PREX2: variants seen among roughly 807,000 people sequenced by gnomAD.
PREX2 encodes phosphatidylinositol-3,4,5-trisphosphate dependent Rac exchange factor 2, also known as phosphatidylinositol 3,4,5-trisphosphate-dependent Rac exchanger 2 protein.
Under a neutral mutation model 203.2 loss-of-function variants are expected in PREX2, and 107 were observed. The observed-to-expected ratio is 0.53, with a 90% confidence interval of 0.45 to 0.62. PREX2 has a LOEUF of 0.62. PREX2 is among the 20% of genes least tolerant of loss of function. The probability of loss-of-function intolerance (pLI) is 0.00; values close to 1 mark genes in which losing one functional copy is unlikely to be tolerated. For missense variants in PREX2, 1,777 were observed against 1,955.9 expected, an observed-to-expected ratio of 0.91 and a Z score of 1.72; for synonymous variants, 672 against 663.6, an observed-to-expected ratio of 1.01 and a Z score of -0.19.
In PREX2 at chr8:67,978,611, G is replaced by C. The variant is rs545977945; in HGVS notation, c.141+26076G>C. On this transcript the variant is annotated intron_variant, in intron 1 of 39. Coordinates refer to ENST00000288368, the MANE Select transcript of PREX2 (RefSeq NM_024870.4). ...AATACGCTTCATCCATTCTACTCTT[G>C]GTGGATATTTGGGTAGTTTCCAGTT... 5.3e-5 allele frequency among the ~76,000 whole-genome samples: 8 copies of C among 152,090 alleles called. No individual in the cohort carries two copies. The South Asian group carries it at 1.5e-3, about 28-fold the overall frequency.
chr8:68,217,743 T>C (rs1227644760), intron 38 of PREX2, 25 bp downstream of exon 38: 1 of 1,557,950 alleles, frequency 6.4e-7, no homozygotes, highest in Admixed American at 1.7e-5. Context: ...GACTTGGGAA[T>C]AGTTGTTTTG....
intron 37 of PREX2, 55 bp downstream of exon 37, chr8:68,192,580 G>T (rs879517731): frequency 4.4e-6 from 6 of 1,378,218 alleles, no homozygotes; most frequent in South Asian, 2.9e-5. Context: ...TTTATTTGAT[G>T]GTTTTTGTTT....
chr8:67,998,645 A>G (rs938561921), intron 1 of PREX2, among the ~76,000 whole-genome samples: 5 of 152,158 alleles, frequency 3.3e-5, no homozygotes, highest in South Asian at 2.1e-4. Flanking sequence ...GTGCATACCT[A>G]TAGTACTAAG....
intron 1 of PREX2, among the ~76,000 whole-genome samples, chr8:67,979,199 AG>A (rs1308604562): frequency 6.6e-6 from 1 of 152,210 alleles, no homozygotes; most frequent in Non-Finnish European, 1.5e-5. Context: ...ATCACTTGTT[AG>A]GATAGAAGTA....
intron 1 of PREX2, among the ~76,000 whole-genome samples, chr8:67,971,262 T>C (rs1161315272): frequency 2.0e-5 from 3 of 152,136 alleles, no homozygotes; most frequent in Non-Finnish European, 4.4e-5. Flanking sequence ...AATGGCTCTG[T>C]TGGGCACAGG....
intron 31 of PREX2, among the ~76,000 whole-genome samples, chr8:68,133,410 A>T (rs934522297): frequency 6.6e-6 from 1 of 152,182 alleles, no homozygotes; most frequent in Non-Finnish European, 1.5e-5. Flanking sequence ...AACATATACA[A>T]ATCAATTCAT....
chr8:68,178,576 GATC>G (rs987295174), intron 35 of PREX2, among the ~76,000 whole-genome samples: 2 of 151,952 alleles, frequency 1.3e-5, no homozygotes, highest in Non-Finnish European at 2.9e-5. Context: ...CTGCTCTGAT[GATC>G]ATTTCTTTTG....
intron 33 of PREX2, among the ~76,000 whole-genome samples, chr8:68,145,179 G>A (rs923836010): frequency 2.0e-5 from 3 of 152,126 alleles, no homozygotes; most frequent in Non-Finnish European, 4.4e-5. Context: ...CCCTTTGGGT[G>A]AGAAATCTGT....
At chr8:68,158,178 C>T (rs1275070601) in intron 35 of PREX2, among the ~76,000 whole-genome samples, 2 of 150,474 alleles carry the variant, frequency 1.3e-5, no homozygotes, top group Non-Finnish European at 3.0e-5. Context: ...TTCACACACA[C>T]ATATCTCCTT....
chr8:67,992,374 T>A (rs1166686856), intron 1 of PREX2, among the ~76,000 whole-genome samples: 3 of 152,244 alleles, frequency 2.0e-5, no homozygotes, highest in Non-Finnish European at 4.4e-5. Context: ...AATTTGTATG[T>A]ATTAATTAGT....
At chr8:68,057,168 A>G (rs1808705661) in intron 10 of PREX2, among the ~76,000 whole-genome samples, 1 of 151,952 alleles carries the variant, frequency 6.6e-6, no homozygotes, top group African/African-American at 2.4e-5. Flanking sequence ...ATGACATCTG[A>G]TGGTTTTATA....
At chr8:68,008,984 G>T (rs940901840) in intron 1 of PREX2, among the ~76,000 whole-genome samples, 1 of 152,138 alleles carries the variant, frequency 6.6e-6, no homozygotes, top group Non-Finnish European at 1.5e-5. Flanking sequence ...TGTGTTTAAA[G>T]AATAAAACAA....
chr8:68,015,622 G>A (rs772686339), intron 1 of PREX2, among the ~76,000 whole-genome samples: 1 of 152,152 alleles, frequency 6.6e-6, no homozygotes, highest in African/African-American at 2.4e-5. Context: ...TTGCTTGCAC[G>A]AGAGGTTACC....
intron 1 of PREX2, among the ~76,000 whole-genome samples, chr8:67,968,336 C>T (rs1174030366): frequency 1.3e-5 from 2 of 152,058 alleles, no homozygotes; most frequent in South Asian, 2.1e-4. Flanking sequence ...TCTGGGAGCT[C>T]GGATTCTGGT....
intron 1 of PREX2, among the ~76,000 whole-genome samples, chr8:68,000,288 G>T (rs10957410): frequency 0.69 from 104,316 of 152,040 alleles, 36,022 homozygotes; most frequent in South Asian, 0.81. Flanking sequence ...TTGTTAACAT[G>T]CCCATATATC....
rs1372110434 is a variant in PREX2, at chr8:68,077,464, AC to A, written c.1639del (p.His547MetfsTer28). Reference sequence around the variant, plus strand: ...GGACTCTGTGACAATGGATTTATGCACCATGGTAGGGATTTTTTACCCTGGG... The same window carrying A: ...GGACTCTGTGACAATGGATTTATGCACATGGTAGGGATTTTTTACCCTGGG... Reference protein sequence around the residue: ...GVGLCDNGFMHHVLEKSEFKD... With the variant: ...GVGLCDNGFMXHVLEKSEFKD... On this transcript the variant is annotated frameshift_variant, in exon 15 of 40. Transcript: ENST00000288368. LOFTEE classifies it high-confidence loss of function. The A allele has an allele frequency of 6.2e-7, 1 of 1,610,194 alleles. No individual in the cohort carries two copies. Among genetic ancestry groups the A allele is most frequent in the Non-Finnish European group, 8.5e-7 (1 of 1,176,446 alleles).
intron 25 of PREX2, among the ~76,000 whole-genome samples, chr8:68,112,152 G>A (rs1334274253): frequency 2.0e-5 from 3 of 152,150 alleles, no homozygotes; most frequent in Admixed American, 2.0e-4. Flanking sequence ...TGAATTTGCT[G>A]TCTAGTAACA....
rs556313692 is a variant in PREX2, at chr8:68,097,091, G to A, written c.2443G>A (p.Val815Ile). ...GCATGTGAGTCTGACAGTGGACAAT[G>A]TCCACCTGGAATATGGTGTCGTGTA... Reference protein sequence around the residue: ...KEHVSLTVDNVHLEYGVVYEY... With the variant: ...KEHVSLTVDNIHLEYGVVYEY... The change falls in exon 22 of 40, where the codon GTC becomes ATC. Residue 815 changes from valine to isoleucine, a missense_variant. By Grantham distance (29) the Val-to-Ile change is conservative. Coordinates refer to ENST00000288368, the MANE Select transcript of PREX2 (RefSeq NM_024870.4). 9.9e-6 allele frequency: 16 copies of A among 1,613,984 alleles called. No individual in the cohort carries two copies. The South Asian group carries it at 1.8e-4, about 18-fold the overall frequency.
chr8:68,020,289 A>G (rs1404013036), intron 3 of PREX2, among the ~76,000 whole-genome samples: 2 of 150,854 alleles, frequency 1.3e-5, no homozygotes, highest in African/African-American at 2.4e-5. Flanking sequence ...TAAAAAGACA[A>G]CTGTGTAATG....
Sources: allele counts gnomAD v4.1 joint callset (sites outside exome capture counted in the v4.1 genomes callset), GRCh38; gene constraint gnomAD v4.1.1; transcripts MANE v1.5; gene names NCBI Gene and HGNC (gene_info 2026-07-23, HGNC 2026-07-21).